Variants in LRBA observed in about 807,000 individuals in gnomAD.
LRBA encodes the protein LPS responsive beige-like anchor protein.
LRBA carries 176 observed loss-of-function variants against 330.0 expected under a neutral mutation model. The observed-to-expected ratio is 0.53, with a 90% CI of 0.47 to 0.60. LRBA has a LOEUF of 0.60. Among genes scored for constraint, LRBA ranks in the 20% least tolerant of loss-of-function variants. The pLI is 0.00. For synonymous variants in LRBA, 1,230 were observed against 1,193.0 expected, an observed-to-expected ratio of 1.03 and a Z score of -0.64; for missense variants, 3,259 against 3,444.8, an observed-to-expected ratio of 0.95 and a Z score of 1.35.
At chr4:150,364,019 T>C (rs1739082324) in intron 47 of LRBA, among the ~76,000 whole-genome samples, 1 of 152,120 alleles carries the variant, frequency 6.6e-6, no homozygotes, top group Admixed American at 6.6e-5. Flanking sequence ...ACAATCAAAT[T>C]TGAGGTAGAA....
chr4:150,998,077 C>G (rs1742887874), intron 2 of LRBA, among the ~76,000 whole-genome samples: 2 of 151,658 alleles, frequency 1.3e-5, no homozygotes, highest in Non-Finnish European at 2.9e-5. Flanking sequence ...CTCGGCCGGG[C>G]ACGGTGGCTC....
At chr4:150,840,961 T>C in intron 28 of LRBA, 1 of 1,213,496 alleles carries the variant, frequency 8.2e-7, no homozygotes, top group Non-Finnish European at 1.1e-6. Context: ...AATTTGAACA[T>C]ATCCACTTGA....
At chr4:150,980,786 T>C (rs530612725) in intron 2 of LRBA, among the ~76,000 whole-genome samples, 8 of 152,164 alleles carry the variant, frequency 5.3e-5, no homozygotes, top group Non-Finnish European at 1.0e-4. Flanking sequence ...TTCAGTAAAG[T>C]TGTAGAATAC....
At chr4:150,309,217 A>C (rs568569592) in intron 52 of LRBA, among the ~76,000 whole-genome samples, 1 of 152,246 alleles carries the variant, frequency 6.6e-6, no homozygotes, top group East Asian at 1.9e-4. Flanking sequence ...ACAGATACTT[A>C]CCGTTGTGTT....
chr4:150,914,882 G>A (rs373881269), intron 8 of LRBA, among the ~76,000 whole-genome samples: 16 of 152,098 alleles, frequency 1.1e-4, no homozygotes, highest in African/African-American at 3.6e-4. Context: ...CATTTAATCA[G>A]ATGACAACTT....
At position 150,489,589 on chromosome 4, in the gene LRBA, T is replaced by TATTA. The variant is rs70941410; in HGVS notation, c.6448+1328_6448+1329insTAAT. Among the ~76,000 whole-genome samples, 395 of 60,562 alleles carry TATTA rather than the reference T, an allele frequency of 6.5e-3. 2 individuals carry two copies. The highest frequency in any genetic ancestry group is 0.013 in the Middle Eastern group (1 of 78). 39.7% of individuals were successfully genotyped at this position (60,562 alleles called of 152,430 possible). A position where few individuals can be genotyped will look rare whatever the true frequency, so the allele number is the denominator to read the frequency against. On this transcript the variant is annotated intron_variant, in intron 41 of 56. Transcript: ENST00000651943. ...ATTATATATAAGAATATATAATATA[T>TATTA]TATATAAGAATATATAATATATAAT...
chr4:150,988,610 C>T (rs1223687544), intron 2 of LRBA, among the ~76,000 whole-genome samples: 2 of 151,830 alleles, frequency 1.3e-5, no homozygotes, highest in Non-Finnish European at 2.9e-5. Flanking sequence ...GACACAGTCT[C>T]GCTCTGTCAC....
intron 37 of LRBA, among the ~76,000 whole-genome samples, chr4:150,620,897 C>A (rs1581835823): frequency 6.6e-6 from 1 of 152,144 alleles, no homozygotes; most frequent in Middle Eastern, 3.4e-3. Context: ...AAATCTCAGA[C>A]TTCACCTCTA....
At chr4:150,985,008 A>G (rs1299493740) in intron 2 of LRBA, among the ~76,000 whole-genome samples, 1 of 152,238 alleles carries the variant, frequency 6.6e-6, no homozygotes, top group Non-Finnish European at 1.5e-5. Flanking sequence ...CCGTAATCCC[A>G]GTACTTTGGG....
At chr4:150,673,728 A>G (rs1371418758) in intron 37 of LRBA, among the ~76,000 whole-genome samples, 1 of 152,198 alleles carries the variant, frequency 6.6e-6, no homozygotes, top group African/African-American at 2.4e-5. Flanking sequence ...GTTTTCTTAT[A>G]TAATCACAAC....
rs1275765935 is a variant in LRBA at position 150,925,297 on chromosome 4, A to G, written c.549+3219T>C. On this transcript the variant is annotated intron_variant, in intron 4 of 56. Coordinates refer to ENST00000651943, the MANE Select transcript of LRBA (RefSeq NM_001364905.1). ...TGTTATAGAACAATCTACCTTCTAT[A>G]CATTTTACCAATCCACTCTCTTAAT... 3.9e-5 allele frequency among the ~76,000 whole-genome samples: 6 copies of G among 152,338 alleles called. No individual in the cohort carries two copies. The East Asian group carries it at 1.2e-3, about 29-fold the overall frequency.
chr4:150,698,044 T>C (rs1182665533), intron 36 of LRBA, among the ~76,000 whole-genome samples: 1 of 152,216 alleles, frequency 6.6e-6, no homozygotes, highest in African/African-American at 2.4e-5. Flanking sequence ...CATTTTGCTT[T>C]GTATGGTAAA....
chr4:150,464,999 T>C (rs1755266441), intron 44 of LRBA, among the ~76,000 whole-genome samples: 1 of 152,074 alleles, frequency 6.6e-6, no homozygotes, highest in Admixed American at 6.6e-5. Context: ...TTGAGAACTT[T>C]TTTCAACTTG....
intron 36 of LRBA, among the ~76,000 whole-genome samples, chr4:150,714,367 A>T (rs1786532230): frequency 6.6e-6 from 1 of 152,102 alleles, no homozygotes; most frequent in Non-Finnish European, 1.5e-5. Flanking sequence ...TGGGAAGTAA[A>T]TTTTTTATTA....
chr4:150,370,908 T>C (rs1740184930), intron 47 of LRBA, among the ~76,000 whole-genome samples: 1 of 152,144 alleles, frequency 6.6e-6, no homozygotes, highest in Non-Finnish European at 1.5e-5. Context: ...CCAAAGAATA[T>C]CTCATGCCTA....
At chr4:150,985,577 C>A (rs916383697) in intron 2 of LRBA, among the ~76,000 whole-genome samples, 10 of 151,630 alleles carry the variant, frequency 6.6e-5, no homozygotes, top group African/African-American at 2.4e-4. Flanking sequence ...CGGCTCACTG[C>A]AAGTTCCGCC....
At position 150,828,267 on chromosome 4, in the gene LRBA, A is replaced by G. The variant is rs200935054; in HGVS notation, c.5084T>C (p.Val1695Ala). The G allele has an allele frequency of 4.9e-5, 79 of 1,614,190 alleles. No individual in the cohort carries two copies. The East Asian group carries it at 1.3e-3, about 26-fold the overall frequency. The change falls in exon 30 of 57, where the codon GTG becomes GCG. Residue 1695 changes from valine (V) to alanine (A), a missense_variant. By Grantham distance (64) the Val-to-Ala change is moderately conservative (BLOSUM62 0). Coordinates refer to ENST00000651943, the MANE Select transcript of LRBA (RefSeq NM_001364905.1). Reference sequence around the variant, plus strand: ...GGCTGGTGGCAGAAGGGCAGGATCCACTGTGACTCCATCTGCTGGTATGTT... The same window carrying G: ...GGCTGGTGGCAGAAGGGCAGGATCCGCTGTGACTCCATCTGCTGGTATGTT... ...LVNIPADGVT[V>A]DPALLPPACL...
In LRBA at chr4:150,451,558, C is replaced by T. The variant is rs562507750; in HGVS notation, c.6781-14694G>A. Among the ~76,000 whole-genome samples the T allele has an allele frequency of 2.0e-5, 3 of 152,098 alleles. No homozygotes were observed. The East Asian group carries it at 5.8e-4, about 29-fold the overall frequency. On this transcript the variant is annotated intron_variant, in intron 44 of 56. Coordinates refer to ENST00000651943, the MANE Select transcript of LRBA (RefSeq NM_001364905.1). ...TGTGTTGGACCCAGCTAAATCAGTGCTTTGAGAAAAATTTGTAGTGCTAAA... is the reference window on the plus strand; with the variant it reads ...TGTGTTGGACCCAGCTAAATCAGTGTTTTGAGAAAAATTTGTAGTGCTAAA...
intron 40 of LRBA, among the ~76,000 whole-genome samples, chr4:150,557,888 T>C (rs940704251): frequency 6.6e-6 from 1 of 152,132 alleles, no homozygotes; most frequent in African/African-American, 2.4e-5. Flanking sequence ...CTCTGTTCCA[T>C]ACTGTACCCT....
Sources: gnomAD v4.1 joint callset for allele counts (sites outside exome capture counted in the v4.1 genomes callset) on GRCh38, gnomAD v4.1.1 for gene constraint, MANE v1.5 for transcripts, NCBI Gene and HGNC (gene_info 2026-07-23, HGNC 2026-07-21) for gene names.